The following STK31 variants were observed in gnomAD, a reference collection of about 807,000 sequenced individuals.
STK31 encodes the protein serine/threonine-protein kinase 31.
STK31 carries 89 observed loss-of-function variants against 129.7 expected under a neutral mutation model. The observed-to-expected ratio is 0.69, with a 90% CI of 0.58 to 0.82. STK31 has a LOEUF of 0.82. Ranked by LOEUF, STK31 falls within the 40% of genes least tolerant of loss-of-function variation. The pLI, the probability that STK31 is intolerant of heterozygous loss-of-function variation, is 0.00. For synonymous variants in STK31, 448 were observed against 395.3 expected (o/e 1.13, Z -1.58); for missense variants, 1,187 against 1,176.4 (o/e 1.01, Z -0.13).
intron 16 of STK31, among the ~76,000 whole-genome samples, chr7:23,781,942 A>G (rs1334613505): frequency 2.0e-5 from 3 of 152,164 alleles, no homozygotes; most frequent in Non-Finnish European, 4.4e-5. Context: ...TTTTCCCATA[A>G]TGTTGCAGTG....
intron 23 of STK31, among the ~76,000 whole-genome samples, chr7:23,827,091 T>C (rs1794203245): frequency 6.6e-6 from 1 of 152,166 alleles, no homozygotes; most frequent in African/African-American, 2.4e-5. Context: ...TTGCTCTTCT[T>C]GAGGAGTATC....
At chr7:23,711,361 C>T (rs1785948830) in intron 1 of STK31, among the ~76,000 whole-genome samples, 1 of 151,356 alleles carries the variant, frequency 6.6e-6, no homozygotes, top group Non-Finnish European at 1.5e-5. Context: ...TGCTTGAACC[C>T]GGGGGGTGGA....
chr7:23,720,480 T>C (rs921908073), intron 4 of STK31, among the ~76,000 whole-genome samples: 2 of 151,036 alleles, frequency 1.3e-5, no homozygotes, highest in Non-Finnish European at 2.9e-5. Flanking sequence ...CACGTAACAA[T>C]TTTTTTTTCA....
rs56671075 is a variant in STK31 at position 23,810,731 on chromosome 7, GAT to G, written c.2761-4405_2761-4404del. 1.1e-4 allele frequency among the ~76,000 whole-genome samples: 7 copies of G among 63,646 alleles called. 1 individual carries two copies. The highest frequency in any genetic ancestry group is 6.6e-4 in the South Asian group (1 of 1,520). The allele number at this position is 63,646 out of a possible 152,430, so 41.8% of individuals were successfully genotyped here. A position where few individuals can be genotyped will look rare whatever the true frequency, so the allele number is the denominator to read the frequency against. On this transcript the variant is annotated intron_variant, in intron 22 of 23. Transcript: ENST00000355870. ...ATATAAAATAGATATATATAAAATA[GAT>G]ATATATAAAATAGATATATATAATA...
At chr7:23,765,527 TTC>T (rs1006216365) in intron 11 of STK31, among the ~76,000 whole-genome samples, 1 of 151,228 alleles carries the variant, frequency 6.6e-6, no homozygotes, top group Non-Finnish European at 1.5e-5. Flanking sequence ...TCGTTTCTTT[TTC>T]TCTCTTTTTC....
At chr7:23,729,000 C>T in intron 5 of STK31, 91 bp from the exon 6 acceptor site, 1 of 1,124,074 alleles carries the variant, frequency 8.9e-7, no homozygotes, top group East Asian at 2.8e-5. Context: ...TTTTGATATA[C>T]AGGTCATTAA....
intron 6 of STK31, among the ~76,000 whole-genome samples, chr7:23,734,841 A>AGTAGTCCC (rs1787623875): frequency 6.6e-6 from 1 of 152,086 alleles, no homozygotes; most frequent in Non-Finnish European, 1.5e-5. Flanking sequence ...GGTGTGTGCC[A>AGTAGTCCC]GTAGTCCCGG....
intron 17 of STK31, 83 bp downstream of exon 17, chr7:23,783,746 T>G (rs1333546103): frequency 1.8e-6 from 2 of 1,088,492 alleles, no homozygotes; most frequent in Non-Finnish European, 2.6e-6. Flanking sequence ...AGTGTTAAAC[T>G]TATAGTATCT....
intron 10 of STK31, among the ~76,000 whole-genome samples, chr7:23,757,026 C>A (rs748096691): frequency 2.0e-5 from 3 of 152,066 alleles, no homozygotes; most frequent in Non-Finnish European, 4.4e-5. Context: ...GGGAGGAGTC[C>A]GTCCTTTTCA....
At chr7:23,778,849 C>T (rs1790724409) in intron 15 of STK31, among the ~76,000 whole-genome samples, 1 of 152,142 alleles carries the variant, frequency 6.6e-6, no homozygotes, top group South Asian at 2.1e-4. Context: ...TCATCAAACT[C>T]ATTCTCCATC....
chr7:23,831,814 C>T (rs548179310), intron 23 of STK31, among the ~76,000 whole-genome samples: 89 of 152,238 alleles, frequency 5.8e-4, no homozygotes, highest in Non-Finnish European at 1.1e-3. Flanking sequence ...TTAGTAGAGA[C>T]GGGGTTTCAC....
intron 22 of STK31, among the ~76,000 whole-genome samples, chr7:23,813,078 C>CTTTTTTTTTG (rs1793242979): frequency 1.1e-5 from 1 of 94,116 alleles, no homozygotes; most frequent in African/African-American, 4.2e-5. Context: ...GCTCTCTGTT[C>CTTTTTTTTTG]TTTTTTTTTT....
At chr7:23,808,252 T>C (rs1156662079) in intron 22 of STK31, among the ~76,000 whole-genome samples, 1 of 151,806 alleles carries the variant, frequency 6.6e-6, no homozygotes, top group African/African-American at 2.4e-5. Flanking sequence ...TGGGCTCTGC[T>C]GACATCACCC....
chr7:23,799,026 A>T (rs886601141), intron 22 of STK31, among the ~76,000 whole-genome samples: 5 of 152,232 alleles, frequency 3.3e-5, no homozygotes, highest in Non-Finnish European at 7.3e-5. Flanking sequence ...TTAGGAATAC[A>T]GCTAGCAAGG....
intron 1 of STK31, chr7:23,710,612 G>A (rs1243432271): frequency 1.6e-6 from 2 of 1,273,500 alleles, no homozygotes; most frequent in Non-Finnish European, 2.0e-6. Flanking sequence ...CGAAAATTCT[G>A]TGCCATTTAA....
intron 23 of STK31, among the ~76,000 whole-genome samples, chr7:23,826,725 A>C (rs1794176227): frequency 6.6e-6 from 1 of 152,166 alleles, no homozygotes; most frequent in Non-Finnish European, 1.5e-5. Flanking sequence ...ATGTTTTTGC[A>C]GTGGCTGGTA....
chr7:23,773,717 TTG>T (rs1161112664), intron 15 of STK31, among the ~76,000 whole-genome samples: 14 of 138,486 alleles, frequency 1.0e-4, no homozygotes, highest in African/African-American at 2.8e-4. Context: ...GTTTCCTGAC[TTG>T]TGTGTGTGTG....
At chr7:23,779,812 C>G (rs545672423) in intron 15 of STK31, among the ~76,000 whole-genome samples, 1 of 152,316 alleles carries the variant, frequency 6.6e-6, no homozygotes, top group East Asian at 1.9e-4. Flanking sequence ...CCACTTGGCT[C>G]CCTGGCTTCA....
At chr7:23,735,921 T>C in intron 7 of STK31, 25 bp downstream of exon 7, 2 of 1,521,186 alleles carry the variant, frequency 1.3e-6, no homozygotes, top group Non-Finnish European at 1.8e-6. Flanking sequence ...TTCACTAATT[T>C]CTAATTGATG....
Sources: gnomAD v4.1 joint callset for allele counts (sites outside exome capture counted in the v4.1 genomes callset) on GRCh38, gnomAD v4.1.1 for gene constraint, MANE v1.5 for transcripts, NCBI Gene and HGNC (gene_info 2026-07-23, HGNC 2026-07-21) for gene names.